CAST: variants seen among roughly 807,000 people sequenced by gnomAD.
CAST encodes the protein calpastatin.
Under a neutral mutation model 119.6 loss-of-function variants are expected in CAST, and 76 were observed. The ratio of observed to expected loss-of-function variants is 0.64; its 90% CI spans 0.53 to 0.77. CAST has a LOEUF of 0.77. CAST is among the 30% of genes least tolerant of loss of function. The pLI is 0.00. For synonymous variants in CAST, 319 were observed against 331.6 expected (o/e 0.96, Z 0.41); for missense variants, 953 against 946.5 (o/e 1.01, Z -0.09).
chr5:96,442,170 T>C, the CAST span, among the ~76,000 whole-genome samples: 1 of 152,198 alleles, frequency 6.6e-6, no homozygotes, highest in Non-Finnish European at 1.5e-5. Flanking sequence ...AATAGTTTGA[T>C]GTTTAATATT....
At chr5:96,619,402 C>T (rs142594251) in intron 1 of CAST, among the ~76,000 whole-genome samples, 20 of 152,150 alleles carry the variant, frequency 1.3e-4, no homozygotes, top group African/African-American at 4.8e-4. Context: ...GACCAATCAG[C>T]TCTCTGTAAA....
intron 18 of CAST, 122 bp from the exon 19 acceptor site, chr5:96,748,396 G>C (rs1446901344): frequency 1.3e-5 from 6 of 454,294 alleles, no homozygotes; most frequent in South Asian, 6.0e-5. Context: ...TTATAAATTA[G>C]CTTTGGGTGT....
chr5:96,552,447 A>G (rs1485453761), intron 1 of CAST, among the ~76,000 whole-genome samples: 1 of 152,228 alleles, frequency 6.6e-6, no homozygotes, highest in Admixed American at 6.5e-5. Context: ...ATAGCACTAT[A>G]TGCCCACAGG....
the CAST span, among the ~76,000 whole-genome samples, chr5:96,343,379 G>T: frequency 2.0e-5 from 3 of 152,176 alleles, no homozygotes; most frequent in Admixed American, 2.0e-4. Flanking sequence ...AATGTTTTCA[G>T]TTTAAAGTTC....
At chr5:96,604,447 C>T (rs1374703545) in intron 1 of CAST, among the ~76,000 whole-genome samples, 1 of 152,128 alleles carries the variant, frequency 6.6e-6, no homozygotes, top group African/African-American at 2.4e-5. Flanking sequence ...AATTTTTAAA[C>T]AATATGGCAG....
At chr5:96,412,576 T>C in the CAST span, 1 of 1,260,134 alleles carries the variant, frequency 7.9e-7, no homozygotes, top group South Asian at 1.3e-5. Context: ...TATTTGTATT[T>C]TTAAAGGATT....
chr5:96,632,923 G>T (rs888131172), intron 1 of CAST, among the ~76,000 whole-genome samples: 6 of 152,104 alleles, frequency 3.9e-5, no homozygotes, highest in African/African-American at 1.4e-4. Context: ...TTGGAAATTT[G>T]ATAGGGATTG....
At chr5:96,560,029 T>C (rs982463333) in intron 1 of CAST, among the ~76,000 whole-genome samples, 190 of 151,798 alleles carry the variant, frequency 1.3e-3, no homozygotes, top group African/African-American at 4.5e-3. Context: ...TGGAACAGAA[T>C]AGAGCCCTCA....
At chr5:96,438,957 T>C in the CAST span, among the ~76,000 whole-genome samples, 1 of 152,180 alleles carries the variant, frequency 6.6e-6, no homozygotes, top group Non-Finnish European at 1.5e-5. Context: ...TTAAGTGAAA[T>C]AATCCATTTA....
intron 17 of CAST, 95 bp downstream of exon 17, chr5:96,746,520 G>A (rs1263600298): frequency 2.5e-6 from 2 of 808,776 alleles, no homozygotes; most frequent in Non-Finnish European, 4.4e-6. Flanking sequence ...GGACATGTCT[G>A]TCCCCCATTC....
the CAST span, among the ~76,000 whole-genome samples, chr5:96,381,672 G>A: frequency 6.6e-6 from 1 of 152,200 alleles, no homozygotes; most frequent in Admixed American, 6.5e-5. Flanking sequence ...GGTTACTGAG[G>A]TGCGCTGGTG....
the CAST span, among the ~76,000 whole-genome samples, chr5:96,110,261 C>T: frequency 2.6e-5 from 4 of 152,202 alleles, no homozygotes; most frequent in East Asian, 7.7e-4. Flanking sequence ...TTTATTTACC[C>T]GTGTGCTTTT....
the CAST span, among the ~76,000 whole-genome samples, chr5:96,160,296 A>T: frequency 6.6e-6 from 1 of 152,070 alleles, no homozygotes. Flanking sequence ...CCTGGTAGCC[A>T]CCAGATTACC....
intron 6 of CAST, 101 bp from the exon 7 acceptor site, chr5:96,729,052 A>G (rs1158399910): frequency 4.0e-6 from 3 of 759,252 alleles, no homozygotes; most frequent in Non-Finnish European, 6.7e-6. Flanking sequence ...TTTTCCTGAA[A>G]AAGGCAGAAT....
the CAST span, among the ~76,000 whole-genome samples, chr5:96,502,082 G>GAA: frequency 2.0e-5 from 3 of 152,000 alleles, no homozygotes; most frequent in South Asian, 4.2e-4. Context: ...TGGAACATTT[G>GAA]AAAAAAACAC....
At chr5:96,583,706 A>G (rs1045813174) in intron 1 of CAST, among the ~76,000 whole-genome samples, 3 of 152,246 alleles carry the variant, frequency 2.0e-5, no homozygotes, top group African/African-American at 7.2e-5. Flanking sequence ...CTGTTAAGTA[A>G]CAAACAGAAA....
the CAST span, among the ~76,000 whole-genome samples, chr5:96,404,640 A>T: frequency 6.6e-6 from 1 of 152,044 alleles, no homozygotes; most frequent in Non-Finnish European, 1.5e-5. Flanking sequence ...ACCCTCCTTT[A>T]TTTGAGGAGA....
chr5:96,175,637 C>T, the CAST span, among the ~76,000 whole-genome samples: 11 of 152,130 alleles, frequency 7.2e-5, no homozygotes, highest in East Asian at 1.9e-4. Flanking sequence ...TTTCTAAAAG[C>T]GTGACGTTGT....
rs934082402 is a variant in CAST, at chr5:96,762,138, A to T, written c.1834-136A>T. 9.3e-5 allele frequency: 43 copies of T among 462,290 alleles called. 1 individual carries two copies. Among genetic ancestry groups the T allele is most frequent in the African/African-American group, 7.9e-4 (39 of 49,406 alleles). The allele number at this position is 462,290 out of a possible 1,614,324, so 28.6% of individuals were successfully genotyped here. ...AAGAATTTAAATTTCTTTTAAAATT[A>T]TATGTTATTATGAGTCTATTTGGTC... On this transcript the variant is annotated intron_variant, in intron 24 of 31. Coordinates refer to ENST00000675179, the MANE Select transcript of CAST (RefSeq NM_001750.7).
Sources: allele counts gnomAD v4.1 joint callset (sites outside exome capture counted in the v4.1 genomes callset), GRCh38; gene constraint gnomAD v4.1.1; transcripts MANE v1.5; gene names NCBI Gene and HGNC (gene_info 2026-07-23, HGNC 2026-07-21).